THSD4: variants seen among roughly 807,000 people sequenced by gnomAD.
The protein encoded by THSD4 is thrombospondin type-1 domain-containing protein 4.
A neutral mutation model predicts 119.0 loss-of-function variants in THSD4; 69 were observed. The ratio of observed to expected loss-of-function variants is 0.58; its 90% confidence interval spans 0.48 to 0.71. THSD4 has a LOEUF of 0.71. Among genes scored for constraint, THSD4 ranks in the 30% least tolerant of loss-of-function variants. The probability of loss-of-function intolerance (pLI) is 0.00; values close to 1 mark genes in which losing one functional copy is unlikely to be tolerated. For missense variants in THSD4, 1,393 were observed against 1,391.1 expected (o/e 1.00, Z -0.02); for synonymous variants, 524 against 540.4 (o/e 0.97, Z 0.42).
At chr15:71,608,388 C>G (rs1220877834) in intron 7 of THSD4, among the ~76,000 whole-genome samples, 2 of 151,922 alleles carry the variant, frequency 1.3e-5, no homozygotes, top group Non-Finnish European at 2.9e-5. Flanking sequence ...CTCTACCATC[C>G]TTTCATTACT....
At chr15:71,146,563 G>A (rs1405690949) in intron 2 of THSD4, among the ~76,000 whole-genome samples, 3 of 151,718 alleles carry the variant, frequency 2.0e-5, no homozygotes, top group African/African-American at 7.3e-5. Context: ...TGCTTTCATG[G>A]GTTTGTGTAC....
intron 15 of THSD4, 87 bp from the exon 16 acceptor site, chr15:71,764,933 T>C (rs924932522): frequency 4.8e-6 from 7 of 1,458,590 alleles, no homozygotes; most frequent in Non-Finnish European, 6.5e-6. Flanking sequence ...GAATTGACGG[T>C]GCCCGTCATA....
chr15:71,267,926 T>C (rs998469888), intron 6 of THSD4, among the ~76,000 whole-genome samples: 1 of 152,206 alleles, frequency 6.6e-6, no homozygotes, highest in Admixed American at 6.5e-5. Context: ...TAAATATATA[T>C]GCACCCAATA....
At chr15:71,618,969 ATTCTTTTTTTT>A (rs1001758547) in intron 7 of THSD4, among the ~76,000 whole-genome samples, 4 of 150,974 alleles carry the variant, frequency 2.6e-5, no homozygotes, top group Non-Finnish European at 5.9e-5. Flanking sequence ...ATACTTGAAT[ATTCTTTTTTTT>A]TTCTTTTTTT....
chr15:71,595,654 A>T (rs946372984), intron 7 of THSD4, among the ~76,000 whole-genome samples: 1 of 152,184 alleles, frequency 6.6e-6, no homozygotes, highest in African/African-American at 2.4e-5. Context: ...ACATGTGTGT[A>T]TGCAAGTCCA....
At chr15:71,253,566 C>G (rs28711896) in intron 5 of THSD4, among the ~76,000 whole-genome samples, 20,704 of 152,038 alleles carry the variant, frequency 0.14, 1,597 homozygotes, top group Middle Eastern at 0.23. Flanking sequence ...TGCCACCATG[C>G]CCGGCTAATT....
At chr15:71,584,901 A>C (rs2049635259) in intron 7 of THSD4, among the ~76,000 whole-genome samples, 1 of 152,188 alleles carries the variant, frequency 6.6e-6, no homozygotes, top group African/African-American at 2.4e-5. Context: ...AGGCTTACAT[A>C]AAACATCTTA....
At chr15:71,483,450 C>G (rs762620896) in intron 7 of THSD4, among the ~76,000 whole-genome samples, 1 of 152,088 alleles carries the variant, frequency 6.6e-6, no homozygotes, top group Non-Finnish European at 1.5e-5. Flanking sequence ...GAATGATGTT[C>G]TAAAACTTGA....
chr15:71,495,917 C>A (rs1388622370), intron 7 of THSD4, among the ~76,000 whole-genome samples: 1 of 152,194 alleles, frequency 6.6e-6, no homozygotes, highest in Admixed American at 6.5e-5. Context: ...CAACTTCAGG[C>A]TTTGGCAGCG....
At chr15:71,722,950 C>G (rs959404143) in intron 8 of THSD4, among the ~76,000 whole-genome samples, 2 of 152,138 alleles carry the variant, frequency 1.3e-5, no homozygotes, top group Non-Finnish European at 2.9e-5. Flanking sequence ...TAATGGAATT[C>G]TTTCCATACC....
chr15:71,470,886 C>T (rs572992929), intron 7 of THSD4, among the ~76,000 whole-genome samples: 4 of 152,240 alleles, frequency 2.6e-5, no homozygotes, highest in African/African-American at 7.2e-5. Context: ...CCACCCGCCT[C>T]GGCCTCCCAA....
At chr15:71,396,141 T>TACATGTATACATACATGTAGAC in intron 6 of THSD4, among the ~76,000 whole-genome samples, 1 of 152,138 alleles carries the variant, frequency 6.6e-6, no homozygotes, top group African/African-American at 2.4e-5. Context: ...TATCTACATA[T>TACATGTATACATACATGTAGAC]ACATGTATAC....
intron 7 of THSD4, among the ~76,000 whole-genome samples, chr15:71,415,209 T>A (rs1274685355): frequency 2.6e-5 from 4 of 152,174 alleles, no homozygotes; most frequent in Non-Finnish European, 2.9e-5. Context: ...TGACAAGCCT[T>A]ACATAATAAT....
At chr15:71,492,946 T>C (rs1199149639) in intron 7 of THSD4, among the ~76,000 whole-genome samples, 2 of 151,992 alleles carry the variant, frequency 1.3e-5, no homozygotes, top group Admixed American at 1.3e-4. Context: ...GGTTAATCAC[T>C]GTAATGAGGA....
intron 6 of THSD4, among the ~76,000 whole-genome samples, chr15:71,360,103 T>C (rs1039665378): frequency 2.0e-5 from 3 of 152,182 alleles, no homozygotes; most frequent in African/African-American, 4.8e-5. Context: ...GCTGGATTCA[T>C]CCGAAGGCTT....
Position 71,516,764 on chromosome 15 carries a change from A to T in THSD4, c.1152+104941A>T, listed in dbSNP as rs528261949. Among the ~76,000 whole-genome samples, 4 of 152,330 alleles carry T rather than the reference A, an allele frequency of 2.6e-5. No homozygotes were observed. In the South Asian group the frequency reaches 8.3e-4, roughly 32 times the overall value. ...AAATCATTAGTTTGATGTACCAGTT[A>T]TAGTTTTCTAATGTATGCTATCACA... is the stretch of plus-strand genomic sequence containing the variant. On this transcript the variant is annotated intron_variant, in intron 7 of 17. Coordinates refer to ENST00000261862, the MANE Select transcript of THSD4 (RefSeq NM_024817.3).
chr15:71,304,948 T>A (rs1209026013), intron 6 of THSD4, among the ~76,000 whole-genome samples: 3 of 152,250 alleles, frequency 2.0e-5, no homozygotes, highest in Non-Finnish European at 4.4e-5. Context: ...TAAAGACTAT[T>A]TTTTGTTCTT....
At chr15:71,726,766 C>A (rs530159035) in intron 8 of THSD4, among the ~76,000 whole-genome samples, 1 of 151,942 alleles carries the variant, frequency 6.6e-6, no homozygotes, top group South Asian at 2.1e-4. Flanking sequence ...GGTGAAACCC[C>A]GTCTCTACTA....
At chr15:71,112,430 T>A, upstream of THSD4, 1 of 461,112 alleles carries the variant, frequency 2.2e-6, no homozygotes, top group Non-Finnish European at 3.6e-6. Context: ...TGTCTGTCCC[T>A]TTAGGAGCTG....
Sources: gnomAD v4.1 joint callset for allele counts (sites outside exome capture counted in the v4.1 genomes callset) on GRCh38, gnomAD v4.1.1 for gene constraint, MANE v1.5 for transcripts, NCBI Gene and HGNC (gene_info 2026-07-23, HGNC 2026-07-21) for gene names.